The following NPRL2 variants were observed in gnomAD, a reference collection of about 807,000 sequenced individuals.
NPRL2 encodes NPR2 like, GATOR1 complex subunit.
Under a neutral mutation model 51.1 loss-of-function variants are expected in NPRL2, and 21 were observed. That is an observed-to-expected ratio of 0.41 (90% CI 0.29 to 0.59). The LOEUF is 0.59. NPRL2 is among the 20% of genes least tolerant of loss of function. The pLI is 0.29. For missense variants in NPRL2, 376 were observed against 483.4 expected (o/e 0.78, Z 2.08); for synonymous variants, 175 against 187.8 (o/e 0.93, Z 0.56).
Position 50,349,789 on chromosome 3 carries a change from T to C in NPRL2, c.215A>G (p.Glu72Gly). 6.2e-7 allele frequency: 1 copy of C among 1,613,888 alleles called. No individual in the cohort carries two copies. Among genetic ancestry groups the C allele is most frequent in the Non-Finnish European group, 8.5e-7 (1 of 1,179,974 alleles). The change falls in exon 3 of 11, where the codon GAA becomes GGA. Residue 72 changes from glutamate (E) to glycine (G), a missense_variant. Physicochemically the swap from Glu to Gly is moderately conservative, Grantham distance 98 (BLOSUM62 -2). Transcript: ENST00000232501. This position sits in a 1 kb window ranked among gnomAD's most constrained non-coding sequence, Gnocchi z 4.6. ...AGCATTGCGGCTGTACTTCTTGTGTTCGATGCACACAGGACAGCCGATCAG... is the reference window on the plus strand; with the variant it reads ...AGCATTGCGGCTGTACTTCTTGTGTCCGATGCACACAGGACAGCCGATCAG... ...KKLIGCPVCI[E>G]HKKYSRNALL... is the part of the protein sequence containing the mutation.
chr3:50,349,225 C>T lies in NPRL2; in HGVS notation c.448+161G>A, dbSNP rs868378763. On this transcript the variant is annotated intron_variant, in intron 4 of 10. Coordinates refer to ENST00000232501, the MANE Select transcript of NPRL2 (RefSeq NM_006545.5). This position sits in a 1 kb window ranked among gnomAD's most constrained non-coding sequence, Gnocchi z 4.6. ...TCTGCTTTCCCCCTACCCCCAGTCC[C>T]AGCTCCATCATGCATTGGACCCTGG... 9.7e-5 allele frequency: 81 copies of T among 831,328 alleles called. No individual in the cohort carries two copies. The Middle Eastern group carries it at 3.6e-3, about 37-fold the overall frequency. 51.5% of individuals were successfully genotyped at this position (831,328 alleles called of 1,614,324 possible).
chr3:50,350,083 GGTGACCTCCTC>G lies in NPRL2; in HGVS notation c.79-72_79-62del, dbSNP rs1703705602. ...CATCTGTACTGGGTGTAGTACAAAT[GGTGACCTCCTC>G]ATGCCCCCCAAGCCCAAGTCCTCTT... is the stretch of plus-strand genomic sequence containing the variant. On this transcript the variant is annotated intron_variant, in intron 1 of 10. Coordinates refer to ENST00000232501, the MANE Select transcript of NPRL2 (RefSeq NM_006545.5). The surrounding 1 kb of genome is among the most constrained non-coding windows in gnomAD (Gnocchi z 5.7). 2 of 1,402,808 alleles carry G rather than the reference GGTGACCTCCTC, an allele frequency of 1.4e-6. No homozygotes were observed. The highest frequency in any genetic ancestry group is 1.4e-5 in the African/African-American group (1 of 70,524). The allele number at this position is 1,402,808 out of a possible 1,614,324, so 86.9% of individuals were successfully genotyped here.
At position 50,348,800 on chromosome 3, in the gene NPRL2, A is replaced by C. The variant is rs773611262; in HGVS notation, c.586-18T>G. On this transcript the variant is annotated intron_variant, in intron 5 of 10. Coordinates refer to ENST00000232501, the MANE Select transcript of NPRL2 (RefSeq NM_006545.5). This position sits in a 1 kb window ranked among gnomAD's most constrained non-coding sequence, Gnocchi z 5.8. ...GGCAGGATCTGGGCAGAGTGGGACA[A>C]GGTCAGAAGAAACAGGATGAGGCCA... 2.3e-5 allele frequency: 37 copies of C among 1,614,040 alleles called. No homozygotes were observed. The highest frequency in any genetic ancestry group is 3.0e-5 in the Non-Finnish European group (35 of 1,180,024).
Position 50,348,371 on chromosome 3 carries a change from G to T in NPRL2, c.760C>A (p.Leu254Met), listed in dbSNP as rs778259108. The change falls in exon 8 of 11, where the codon CTG (leucine) becomes ATG (methionine). Residue 254 changes from leucine to methionine, a missense_variant. Physicochemically the swap from Leu to Met is conservative, Grantham distance 15 (BLOSUM62 2). Coordinates refer to ENST00000232501, the MANE Select transcript of NPRL2 (RefSeq NM_006545.5). The surrounding 1 kb of genome is among the most constrained non-coding windows in gnomAD (Gnocchi z 5.8). ...TCTTGCAGGGACTTGTCATCTACCA[G>T]GTCCTGGACCTTGGGCGTTGGGCAG... ...VYCPTPKVQD[L>M]VDDKSLQEAC... is the part of the protein sequence containing the mutation. 1 of 1,613,944 alleles carries T rather than the reference G, an allele frequency of 6.2e-7. No individual in the cohort carries two copies. The highest frequency in any genetic ancestry group is 1.1e-5 in the South Asian group (1 of 91,084).
Position 50,347,646 on chromosome 3 carries a change from C to T in NPRL2, c.1103G>A (p.Arg368Gln), listed in dbSNP as rs761380661. 22 of 1,613,958 alleles carry T rather than the reference C, an allele frequency of 1.4e-5. No individual in the cohort carries two copies. The South Asian group carries it at 2.0e-4, about 14-fold the overall frequency. The change falls in exon 11 of 11, where the codon CGG (arginine) becomes CAG (glutamine). Residue 368 changes from arginine (R) to glutamine (Q), a missense_variant. Physicochemically the swap from Arg to Gln is conservative, Grantham distance 43. Transcript: ENST00000232501. ...GATGATGTTGGGGTCATTTTCAAGCCGCTCATCCAGCTCATGGTAGCTCAT... is the reference window on the plus strand; with the variant it reads ...GATGATGTTGGGGTCATTTTCAAGCTGCTCATCCAGCTCATGGTAGCTCAT... ...TGMSYHELDE[R>Q]LENDPNIIIC... is the part of the protein sequence containing the mutation.
rs1703662096 is a variant in NPRL2 at position 50,349,164 on chromosome 3, G to A, written c.449-154C>T. The A allele has an allele frequency of 9.8e-7, 1 of 1,018,840 alleles. No homozygotes were observed. The highest frequency in any genetic ancestry group is 1.6e-5 in the African/African-American group (1 of 61,792). 63.1% of individuals were successfully genotyped at this position (1,018,840 alleles called of 1,614,324 possible). On this transcript the variant is annotated intron_variant, in intron 4 of 10. Transcript: ENST00000232501. The surrounding 1 kb of genome is among the most constrained non-coding windows in gnomAD (Gnocchi z 4.6). ...GGAGTGAGAAACGGAGGCCCACAAA[G>A]GGGAAGGAATTGCCCAAGGGGCAGA...
Position 50,347,514 on chromosome 3 carries a change from A to C in NPRL2, c.*92T>G, listed in dbSNP as rs1703593532. 1 of 1,501,768 alleles carries C rather than the reference A, an allele frequency of 6.7e-7. No homozygotes were observed. The highest frequency in any genetic ancestry group is 1.1e-5 in the South Asian group (1 of 88,152). The allele number at this position is 1,501,768 out of a possible 1,614,324, so 93.0% of individuals were successfully genotyped here. ...CTGTTTGAAATGGATGTCTTTATTT[A>C]CAGAACTAAGAGTCAACCTCTAGAC... On this transcript the variant is annotated 3_prime_UTR_variant, in exon 11 of 11. Coordinates refer to ENST00000232501, the MANE Select transcript of NPRL2 (RefSeq NM_006545.5).
rs1703618743 is a variant in NPRL2 at position 50,348,036 on chromosome 3, T to C, written c.932+88A>G. 19 of 1,584,580 alleles carry C rather than the reference T, an allele frequency of 1.2e-5. No homozygotes were observed. In the Admixed American group the frequency reaches 3.2e-4, roughly 27 times the overall value. On this transcript the variant is annotated intron_variant, in intron 9 of 10. Transcript: ENST00000232501. The surrounding 1 kb of genome is among the most constrained non-coding windows in gnomAD (Gnocchi z 5.8). ...CCAGGAAGCCTGCTTGGATTGGCAGTGCCCCATGATCCAGGGCTCCTGAGA... is the reference window on the plus strand; with the variant it reads ...CCAGGAAGCCTGCTTGGATTGGCAGCGCCCCATGATCCAGGGCTCCTGAGA...
rs1035472693 is a variant in NPRL2, at chr3:50,350,343, C to G, written c.78+232G>C. The stretch of plus-strand genomic sequence containing the variant: ...TCACCTTCTGTGGGACCTGGAACCC[C>G]CCAACCGGATCCCTACAGCCCGATA... On this transcript the variant is annotated intron_variant, in intron 1 of 10. Coordinates refer to ENST00000232501, the MANE Select transcript of NPRL2 (RefSeq NM_006545.5). This position sits in a 1 kb window ranked among gnomAD's most constrained non-coding sequence, Gnocchi z 5.7. The G allele has an allele frequency of 6.5e-6, 4 of 611,612 alleles. No individual in the cohort carries two copies. In the African/African-American group the frequency reaches 7.4e-5, roughly 11 times the overall value. The allele number at this position is 611,612 out of a possible 1,614,324, so 37.9% of individuals were successfully genotyped here. A position where few individuals can be genotyped will look rare whatever the true frequency, so the allele number is the denominator to read the frequency against.
In NPRL2 at chr3:50,348,744, C is replaced by G; in HGVS notation, c.624G>C (p.Lys208Asn). The G allele has an allele frequency of 3.1e-6, 5 of 1,614,026 alleles. No individual in the cohort carries two copies. The highest frequency in any genetic ancestry group is 4.2e-6 in the Non-Finnish European group (5 of 1,180,030). ...GCTCCACATCTGCCTCTGCTGAAAT[C>G]TTCTGGATGTGGCGGAACCCATCAA... The part of the protein sequence containing the change: ...PYIDGFRHIQ[K>N]ISAEADVELN... The change falls in exon 6 of 11, where the codon AAG becomes AAC. Residue 208 changes from lysine to asparagine, a missense_variant. Transcript: ENST00000232501. The surrounding 1 kb of genome is among the most constrained non-coding windows in gnomAD (Gnocchi z 5.8).
At position 50,350,062 on chromosome 3, in the gene NPRL2, T is replaced by C. The variant is rs780869682; in HGVS notation, c.79-40A>G. 30 of 1,538,028 alleles carry C rather than the reference T, an allele frequency of 2.0e-5. No individual in the cohort carries two copies. Among genetic ancestry groups the C allele is most frequent in the Non-Finnish European group, 2.7e-5 (30 of 1,113,426 alleles). On this transcript the variant is annotated intron_variant, in intron 1 of 10. Coordinates refer to ENST00000232501, the MANE Select transcript of NPRL2 (RefSeq NM_006545.5). This position sits in a 1 kb window ranked among gnomAD's most constrained non-coding sequence, Gnocchi z 5.7. ...GGCAATGGGCCCCTCAGTGGACATC[T>C]GTACTGGGTGTAGTACAAATGGTGA... is the stretch of plus-strand genomic sequence containing the variant.
Position 50,350,198 on chromosome 3 carries a change from C to T in NPRL2, c.79-176G>A, listed in dbSNP as rs1457760068. On this transcript the variant is annotated intron_variant, in intron 1 of 10. Transcript: ENST00000232501. This position sits in a 1 kb window ranked among gnomAD's most constrained non-coding sequence, Gnocchi z 5.7. ...CCAAACATACGCTATGATCTCACCT[C>T]CTTCCTGGCTTCTGCATATGCTGTT... is the stretch of plus-strand genomic sequence containing the variant. The T allele has an allele frequency of 1.6e-6, 1 of 614,082 alleles. No individual in the cohort carries two copies. Among genetic ancestry groups the T allele is most frequent in the South Asian group, 1.9e-5 (1 of 51,796 alleles). The allele number at this position is 614,082 out of a possible 1,614,324, so 38.0% of individuals were successfully genotyped here.
chr3:50,348,480 C>T lies in NPRL2; in HGVS notation c.720+47G>A. ...GAAGCTGACACAGCCCTGGTCTGGT[C>T]CAGCCACATGATCCACTCTCCACTT... On this transcript the variant is annotated intron_variant, in intron 7 of 10. Transcript: ENST00000232501. The surrounding 1 kb of genome is among the most constrained non-coding windows in gnomAD (Gnocchi z 5.8). 1 of 1,613,754 alleles carries T rather than the reference C, an allele frequency of 6.2e-7. No homozygotes were observed. Among genetic ancestry groups the T allele is most frequent in the South Asian group, 1.1e-5 (1 of 91,070 alleles).
chr3:50,349,813 A>C lies in NPRL2; in HGVS notation c.191T>G (p.Leu64Arg). The change falls in exon 3 of 11, where the codon CTG becomes CGG. Residue 64 changes from leucine to arginine, a missense_variant. Coordinates refer to ENST00000232501, the MANE Select transcript of NPRL2 (RefSeq NM_006545.5). The surrounding 1 kb of genome is among the most constrained non-coding windows in gnomAD (Gnocchi z 4.6). ...LITVTAMEKK[L>R]IGCPVCIEHK... ...TTCGATGCACACAGGACAGCCGATC[A>C]GCTTCTTTTCCATAGCTGTGCTGGA... The C allele has an allele frequency of 6.2e-7, 1 of 1,612,512 alleles. No homozygotes were observed. Among genetic ancestry groups the C allele is most frequent in the Non-Finnish European group, 8.5e-7 (1 of 1,178,818 alleles).
At position 50,348,555 on chromosome 3, in the gene NPRL2, C is replaced by G. The variant is rs1394246205; in HGVS notation, c.692G>C (p.Gly231Ala). The G allele has an allele frequency of 6.2e-7, 1 of 1,613,990 alleles. No individual in the cohort carries two copies. Among genetic ancestry groups the G allele is most frequent in the African/African-American group, 1.3e-5 (1 of 74,910 alleles). Residue 231 changes from glycine (G) to alanine (A), a missense_variant, in exon 7 of 11, where the codon GGC becomes GCC. Coordinates refer to ENST00000232501, the MANE Select transcript of NPRL2 (RefSeq NM_006545.5). The surrounding 1 kb of genome is among the most constrained non-coding windows in gnomAD (Gnocchi z 5.8). ...GAGGATGGACACCAGTGTCACAACG[C>G]CGTAGTACCTGAGAGAGAGAGCTGT... ...RIAIQNLLYY[G>A]VVTLVSILQY... is the part of the protein sequence containing the mutation.
chr3:50,349,746 G>A lies in NPRL2; in HGVS notation c.258C>T (p.Gly86=), dbSNP rs771086596. The change falls in exon 3 of 11, where the codon GGC becomes GGT. Residue 86 remains glycine, a synonymous_variant. Coordinates refer to ENST00000232501, the MANE Select transcript of NPRL2 (RefSeq NM_006545.5). This position sits in a 1 kb window ranked among gnomAD's most constrained non-coding sequence, Gnocchi z 4.6. ...YSRNALLFNL[G]FVCDAQAKTC... Reference sequence around the variant, plus strand: ...TCTTGGCCTGGGCATCACACACGAAGCCCAGGTTGAAGAGGAGAGCATTGC... The same window carrying A: ...TCTTGGCCTGGGCATCACACACGAAACCCAGGTTGAAGAGGAGAGCATTGC... 1 of 1,613,974 alleles carries A rather than the reference G, an allele frequency of 6.2e-7. No homozygotes were observed. The highest frequency in any genetic ancestry group is 1.1e-5 in the South Asian group (1 of 91,076).
At position 50,348,789 on chromosome 3, in the gene NPRL2, A is replaced by G. The variant is rs1703645564; in HGVS notation, c.586-7T>C. The G allele has an allele frequency of 6.2e-7, 1 of 1,614,088 alleles. No homozygotes were observed. The highest frequency in any genetic ancestry group is 8.5e-7 in the Non-Finnish European group (1 of 1,180,032). ...CATCAATGTAGGGCAGGATCTGGGC[A>G]GAGTGGGACAAGGTCAGAAGAAACA... On this transcript the variant is annotated splice_polypyrimidine_tract_variant and splice_region_variant and intron_variant, in intron 5 of 10. Coordinates refer to ENST00000232501, the MANE Select transcript of NPRL2 (RefSeq NM_006545.5). This position sits in a 1 kb window ranked among gnomAD's most constrained non-coding sequence, Gnocchi z 5.8.
Position 50,347,898 on chromosome 3 carries a change from C to T in NPRL2, c.936G>A (p.Lys312=). 1 of 1,613,966 alleles carries T rather than the reference C, an allele frequency of 6.2e-7. No individual in the cohort carries two copies. ...TCTTCATAAGCCCGAACTGGATCAG[C>T]TTCCTAGGGTGAGGATCAGAGGACG... ...PQQLQHVDER[K]LIQFGLMKNL... The change falls in exon 10 of 11, where the codon AAG becomes AAA. Residue 312 remains lysine (K), a synonymous_variant. Coordinates refer to ENST00000232501, the MANE Select transcript of NPRL2 (RefSeq NM_006545.5).
intron 9 of NPRL2, 99 bp from the exon 10 acceptor site, chr3:50,348,000 G>A (rs1435572090): frequency 2.9e-5 from 46 of 1,595,442 alleles, no homozygotes; most frequent in Middle Eastern, 1.7e-4. Context: ...TGTCTCTGTA[G>A]CCCATCATCT....
Sources: gnomAD v4.1 joint callset for allele counts on GRCh38, gnomAD v4.1.1 for gene constraint, Gnocchi (gnomAD v3.1) non-coding constraint, MANE v1.5 for transcripts, NCBI Gene and HGNC (gene_info 2026-07-23, HGNC 2026-07-21) for gene names.